The following WNT9B variants were observed in gnomAD, a reference collection of about 807,000 sequenced individuals.
WNT9B encodes protein Wnt-9b.
Under a neutral mutation model 30.2 loss-of-function variants are expected in WNT9B, and 12 were observed. That is an observed-to-expected ratio of 0.40 (90% CI 0.26 to 0.64). The LOEUF (loss-of-function observed/expected upper bound fraction) is 0.64, where lower values mean the gene tolerates loss of function less well. Ranked by LOEUF, WNT9B falls within the 30% of genes least tolerant of loss-of-function variation. The pLI is 0.42. For synonymous variants in WNT9B, 218 were observed against 216.9 expected, an observed-to-expected ratio of 1.01 and a Z score of -0.05; for missense variants, 442 against 485.2, an observed-to-expected ratio of 0.91 and a Z score of 0.84.
intron 1 of WNT9B, among the ~76,000 whole-genome samples, chr17:46,835,287 C>T (rs8066182): frequency 0.013 from 2,017 of 152,282 alleles, 46 homozygotes; most frequent in African/African-American, 0.046. Flanking sequence ...TCCCGGCTCA[C>T]TGCAAGCTCC....
chr17:46,880,765 C>A (rs1459544674), downstream of WNT9B, among the ~76,000 whole-genome samples: 1 of 151,964 alleles, frequency 6.6e-6, no homozygotes, highest in South Asian at 2.1e-4. Flanking sequence ...AGGGATGGAT[C>A]GCCCCATTTT....
At chr17:46,860,476 C>T (rs1177192100) in intron 1 of WNT9B, among the ~76,000 whole-genome samples, 1 of 152,180 alleles carries the variant, frequency 6.6e-6, no homozygotes, top group East Asian at 1.9e-4. Flanking sequence ...GAGTTCAAAT[C>T]TCCATCTACC....
chr17:46,875,116 C>T lies in WNT9B; in HGVS notation c.350C>T (p.Ala117Val). The change falls in exon 3 of 4, where the codon GCT becomes GTT. Residue 117 changes from alanine to valine, a missense_variant. By Grantham distance (64) the Ala-to-Val change is moderately conservative. Coordinates refer to ENST00000290015, the MANE Select transcript of WNT9B (RefSeq NM_003396.3). ...CCCGATCCAGGCTTCAAAGAGACAG[C>T]TTTCCTGTACGCGGTGTCCTCTGCC... Reference protein sequence around the residue: ...GLLKRGFKETAFLYAVSSAAL... With the variant: ...GLLKRGFKETVFLYAVSSAAL... The T allele has an allele frequency of 6.2e-7, 1 of 1,613,876 alleles. No homozygotes were observed. Among genetic ancestry groups the T allele is most frequent in the African/African-American group, 1.3e-5 (1 of 75,072 alleles).
At chr17:46,872,971 T>C (rs1194943989) in intron 2 of WNT9B, among the ~76,000 whole-genome samples, 198 bp downstream of exon 2, 1 of 151,876 alleles carries the variant, frequency 6.6e-6, no homozygotes, top group Non-Finnish European at 1.5e-5. Flanking sequence ...TGGCCCAGCC[T>C]CAGGTTTGGG....
At chr17:46,850,374 CAA>C (rs2084826590), upstream of WNT9B, among the ~76,000 whole-genome samples, 1 of 152,090 alleles carries the variant, frequency 6.6e-6, no homozygotes, top group Non-Finnish European at 1.5e-5. Flanking sequence ...AAACTGAGCT[CAA>C]AGAGGCTCAA....
intron 1 of WNT9B, among the ~76,000 whole-genome samples, chr17:46,855,571 G>GT (rs1170893540): frequency 6.6e-6 from 1 of 152,212 alleles, no homozygotes; most frequent in Non-Finnish European, 1.5e-5. Flanking sequence ...TTGCTGAAGA[G>GT]TTTTTATTTT....
At chr17:46,838,804 T>C (rs1383573425) in intron 1 of WNT9B, among the ~76,000 whole-genome samples, 2 of 152,132 alleles carry the variant, frequency 1.3e-5, no homozygotes, top group Non-Finnish European at 2.9e-5. Context: ...TAATTTGGCA[T>C]AGAGGCCTGT....
chr17:46,858,635 C>T (rs1354345352), intron 1 of WNT9B, among the ~76,000 whole-genome samples: 3 of 152,164 alleles, frequency 2.0e-5, no homozygotes, highest in African/African-American at 7.2e-5. Flanking sequence ...CTTTCTCATA[C>T]AGCCCCTTCT....
intron 1 of WNT9B, among the ~76,000 whole-genome samples, chr17:46,837,065 C>A (rs2084640885): frequency 6.6e-6 from 1 of 152,150 alleles, no homozygotes; most frequent in Non-Finnish European, 1.5e-5. Context: ...GCCTCAGCCT[C>A]CCAAGTAGCT....
At position 46,876,876 on chromosome 17, in the gene WNT9B, C is replaced by T. The variant is rs1233082195; in HGVS notation, c.*158C>T. 5.7e-6 allele frequency: 8 copies of T among 1,394,484 alleles called. No individual in the cohort carries two copies. In the East Asian group the frequency reaches 2.1e-4, roughly 37 times the overall value. 86.4% of individuals were successfully genotyped at this position (1,394,484 alleles called of 1,614,324 possible). ...TGTGCCACTCACCACCATTCCTTGG[C>T]CAGCCTTTTGCCTCCCTCGATACTC... On this transcript the variant is annotated 3_prime_UTR_variant, in exon 4 of 4. Coordinates refer to ENST00000290015, the MANE Select transcript of WNT9B (RefSeq NM_003396.3).
intron 1 of WNT9B, among the ~76,000 whole-genome samples, chr17:46,859,669 T>C (rs928587430): frequency 1.3e-5 from 2 of 152,262 alleles, no homozygotes; most frequent in African/African-American, 4.8e-5. Context: ...TTGCATGGGC[T>C]ATTCAGGGTC....
chr17:46,835,318 T>C lies in WNT9B; in HGVS notation c.95+1878T>C, dbSNP rs183513050. 6.7e-3 allele frequency among the ~76,000 whole-genome samples: 1,012 copies of C among 151,312 alleles called. 11 individuals are homozygous for C. The highest frequency in any genetic ancestry group is 0.023 in the African/African-American group (963 of 41,194). Reference sequence around the variant, plus strand: ...GCTCCGCCTCCCGGGTTCACGCCATTCTCCTGCCTCAGCCTCCCGAGTAGC... The same window carrying C: ...GCTCCGCCTCCCGGGTTCACGCCATCCTCCTGCCTCAGCCTCCCGAGTAGC... On this transcript the variant is annotated intron_variant, in intron 1 of 2. Transcript: ENST00000575372.
chr17:46,844,972 T>C (rs2084758419), intron 1 of WNT9B, among the ~76,000 whole-genome samples: 1 of 152,136 alleles, frequency 6.6e-6, no homozygotes, highest in African/African-American at 2.4e-5. Flanking sequence ...CTCAGCCTTC[T>C]AAGTAGCTGG....
At chr17:46,859,911 AAAAG>A (rs1341966037) in intron 1 of WNT9B, among the ~76,000 whole-genome samples, 1 of 152,226 alleles carries the variant, frequency 6.6e-6, no homozygotes, top group Non-Finnish European at 1.5e-5. Context: ...AAAATTTAAA[AAAAG>A]AAATTCTTCC....
chr17:46,849,389 G>A (rs1452363778), upstream of WNT9B, among the ~76,000 whole-genome samples: 1 of 152,236 alleles, frequency 6.6e-6, no homozygotes, highest in Non-Finnish European at 1.5e-5. Context: ...TTAGGGGCAT[G>A]AGAACAGGAG....
intron 1 of WNT9B, among the ~76,000 whole-genome samples, chr17:46,839,716 T>C (rs1167978051): frequency 6.6e-6 from 1 of 152,034 alleles, no homozygotes; most frequent in Non-Finnish European, 1.5e-5. Context: ...GTGTGTGATG[T>C]TCCCTGCCCT....
chr17:46,859,935 T>C (rs1268824775), intron 1 of WNT9B, among the ~76,000 whole-genome samples: 1 of 152,248 alleles, frequency 6.6e-6, no homozygotes, highest in African/African-American at 2.4e-5. Flanking sequence ...CAATGTGCTC[T>C]ATGTATTTAG....
intron 1 of WNT9B, among the ~76,000 whole-genome samples, chr17:46,861,924 G>A (rs1425012616): frequency 6.6e-6 from 1 of 152,206 alleles, no homozygotes; most frequent in East Asian, 1.9e-4. Context: ...AGCACTTTGG[G>A]AGGCTGAGGC....
chr17:46,880,721 A>G (rs530174957), downstream of WNT9B, among the ~76,000 whole-genome samples: 1 of 151,996 alleles, frequency 6.6e-6, no homozygotes, highest in East Asian at 1.9e-4. Context: ...AAAGTATGGG[A>G]TTTTTTTCCT....
Sources: gnomAD v4.1 joint callset for allele counts (sites outside exome capture counted in the v4.1 genomes callset) on GRCh38, gnomAD v4.1.1 for gene constraint, MANE v1.5 for transcripts, NCBI Gene and HGNC (gene_info 2026-07-23, HGNC 2026-07-21) for gene names.